The following CRYBB2 variants were observed in gnomAD, a reference collection of about 807,000 sequenced individuals.
CRYBB2 encodes beta-crystallin B2.
In CRYBB2, 12 loss-of-function variants were observed where a neutral mutation model predicts 24.3. That is an observed-to-expected ratio of 0.49 (90% CI 0.32 to 0.80). The LOEUF is 0.80. Ranked by LOEUF, CRYBB2 falls within the 30% of genes least tolerant of loss-of-function variation. The pLI, the probability that CRYBB2 is intolerant of heterozygous loss-of-function variation, is 0.04. For synonymous variants in CRYBB2, 98 were observed against 101.6 expected, an observed-to-expected ratio of 0.96 and a Z score of 0.21; for missense variants, 198 against 268.5, an observed-to-expected ratio of 0.74 and a Z score of 1.83.
intron 4 of CRYBB2, among the ~76,000 whole-genome samples, chr22:25,228,210 A>G (rs1308046037): frequency 6.8e-6 from 1 of 147,424 alleles, no homozygotes; most frequent in African/African-American, 2.5e-5. Flanking sequence ...ATTGGTATCT[A>G]CTGTCCTGAG....
intron 2 of CRYBB2, among the ~76,000 whole-genome samples, chr22:25,224,531 C>A (rs1013740476): frequency 3.9e-5 from 6 of 152,128 alleles, no homozygotes; most frequent in Admixed American, 2.0e-4. Context: ...CTCTTTGTTT[C>A]TTTTTCTTTT....
chr22:25,222,466 A>G (rs1312674157), intron 2 of CRYBB2, among the ~76,000 whole-genome samples: 2 of 152,188 alleles, frequency 1.3e-5, no homozygotes, highest in East Asian at 3.8e-4. Context: ...TCAAGTGAGG[A>G]AGCGGCTATA....
chr22:25,228,989 T>TG (rs369299834), intron 4 of CRYBB2, among the ~76,000 whole-genome samples: 1 of 148,458 alleles, frequency 6.7e-6, no homozygotes, highest in South Asian at 2.1e-4. Flanking sequence ...CACGCATGTG[T>TG]GGGTGTGCGT....
chr22:25,221,595 C>T, intron 2 of CRYBB2, 112 bp downstream of exon 2: 1 of 770,384 alleles, frequency 1.3e-6, no homozygotes, highest in Non-Finnish European at 2.3e-6. Context: ...TCGACCCCTG[C>T]CCCTCTCTGG....
At position 25,222,164 on chromosome 22, in the gene CRYBB2, G is replaced by A. The variant is rs143645529; in HGVS notation, c.54+681G>A. On this transcript the variant is annotated intron_variant, in intron 2 of 5. Transcript: ENST00000398215. ...TGTGCCTCCCTGCTTTGGTAGCCCC[G>A]GGCACAGGTTCCTTCAGGAATGGCC... Among the ~76,000 whole-genome samples the A allele has an allele frequency of 3.2e-4, 48 of 152,254 alleles. No homozygotes were observed. The East Asian group carries it at 7.7e-3, about 25-fold the overall frequency.
upstream of CRYBB2, among the ~76,000 whole-genome samples, chr22:25,212,488 G>A (rs544360120): frequency 2.6e-5 from 4 of 152,296 alleles, no homozygotes; most frequent in African/African-American, 9.6e-5. Context: ...ACCATTAGGG[G>A]GCCTCAGCAA....
chr22:25,230,024 C>T (rs1268114411), intron 5 of CRYBB2, among the ~76,000 whole-genome samples: 2 of 152,002 alleles, frequency 1.3e-5, no homozygotes, highest in East Asian at 3.8e-4. Context: ...AATCAAAGTT[C>T]CTGGGCACAT....
At chr22:25,218,700 GAGA>G (rs1935226467), upstream of CRYBB2, among the ~76,000 whole-genome samples, 2 of 49,632 alleles carry the variant, frequency 4.0e-5, no homozygotes, top group Non-Finnish European at 6.3e-5. Flanking sequence ...AAGAGAGAGA[GAGA>G]GGGGGAGAGA....
At chr22:25,218,779 G>GAGAAGAAAGA (rs1935251085), upstream of CRYBB2, among the ~76,000 whole-genome samples, 8 of 34,508 alleles carry the variant, frequency 2.3e-4, no homozygotes, top group Admixed American at 1.5e-3. Context: ...GAGAGAGAGA[G>GAGAAGAAAGA]AAGAAAGAAA....
Position 25,225,022 on chromosome 22 carries a change from A to T in CRYBB2, c.159A>T (p.Leu53=), listed in dbSNP as rs201374588. The stretch of plus-strand genomic sequence containing the variant: ...GCGTGGAGAAGGCAGGTTCTGTCCT[A>T]GTGCAGGCTGGACCGTAAGTACCTG... ...ETGVEKAGSV[L]VQAGPWVGYE... is the part of the protein sequence containing the mutation. Residue 53 remains leucine, a synonymous_variant, in exon 3 of 6, where the codon CTA becomes CTT. Coordinates refer to ENST00000398215, the MANE Select transcript of CRYBB2 (RefSeq NM_000496.3). The T allele has an allele frequency of 6.2e-7, 1 of 1,601,440 alleles. No homozygotes were observed. The highest frequency in any genetic ancestry group is 8.6e-7 in the Non-Finnish European group (1 of 1,168,372).
chr22:25,214,783 A>C (rs1448672860), upstream of CRYBB2, among the ~76,000 whole-genome samples: 1 of 152,242 alleles, frequency 6.6e-6, no homozygotes, highest in African/African-American at 2.4e-5. Flanking sequence ...GAAGTAGGCT[A>C]GGCTGAAGGT....
At chr22:25,218,164 G>C (rs567486722), upstream of CRYBB2, among the ~76,000 whole-genome samples, 278 of 152,090 alleles carry the variant, frequency 1.8e-3, 4 homozygotes, top group African/African-American at 1.5e-3. Context: ...GAGGCTGAAG[G>C]AGGAGAATGG....
intron 1 of CRYBB2, chr22:25,213,179 C>CA (rs1488089419): frequency 3.3e-5 from 5 of 152,090 alleles, no homozygotes; most frequent in African/African-American, 1.2e-4. Context: ...AGGGCTGTTA[C>CA]AAAAAATTGT....
chr22:25,229,642 C>T, intron 5 of CRYBB2, 64 bp downstream of exon 5: 1 of 1,593,010 alleles, frequency 6.3e-7, no homozygotes, highest in Non-Finnish European at 8.6e-7. Context: ...GTCCTAAGTC[C>T]TGCTCTGCCC....
chr22:25,221,600 C>T, intron 2 of CRYBB2, 117 bp downstream of exon 2: 1 of 736,852 alleles, frequency 1.4e-6, no homozygotes, highest in Non-Finnish European at 2.4e-6. Flanking sequence ...CCCTGCCCCT[C>T]TCTGGGACTC....
intron 1 of CRYBB2, 136 bp downstream of exon 1, chr22:25,219,802 G>A (rs1469275664): frequency 1.3e-5 from 2 of 152,124 alleles, no homozygotes; most frequent in East Asian, 1.9e-4. Flanking sequence ...TTTCTTTTCT[G>A]GTAACTGGGA....
At chr22:25,218,764 AG>A (rs1379120286), upstream of CRYBB2, among the ~76,000 whole-genome samples, 1,597 of 39,126 alleles carry the variant, frequency 0.041, 26 homozygotes, top group East Asian at 0.085. Flanking sequence ...AGAGAGAGAG[AG>A]AGAGAGAGAG....
chr22:25,231,308 C>T (rs1935526970), intron 5 of CRYBB2, among the ~76,000 whole-genome samples: 1 of 141,334 alleles, frequency 7.1e-6, no homozygotes, highest in Non-Finnish European at 1.6e-5. Flanking sequence ...GATATCACCC[C>T]CTTGCTCTGA....
At chr22:25,215,561 AGC>A (rs1327050647), upstream of CRYBB2, among the ~76,000 whole-genome samples, 1 of 96,888 alleles carries the variant, frequency 1.0e-5, no homozygotes, top group African/African-American at 3.1e-5. Flanking sequence ...TAATTCCTCT[AGC>A]GCCACTGGTT....
Sources: gnomAD v4.1 joint callset for allele counts (sites outside exome capture counted in the v4.1 genomes callset) on GRCh38, gnomAD v4.1.1 for gene constraint, MANE v1.5 for transcripts, NCBI Gene and HGNC (gene_info 2026-07-23, HGNC 2026-07-21) for gene names.